KCNQ3: variants seen among roughly 807,000 people sequenced by gnomAD.
The protein encoded by KCNQ3 is potassium voltage-gated channel subfamily Q member 3, also known as potassium voltage-gated channel subfamily KQT member 3.
Under a neutral mutation model 92.5 loss-of-function variants are expected in KCNQ3, and 30 were observed. The ratio of observed to expected loss-of-function variants is 0.32; its 90% CI spans 0.24 to 0.44. KCNQ3 has a LOEUF of 0.44. Ranked by LOEUF, KCNQ3 falls within the 20% of genes least tolerant of loss-of-function variation. The pLI, the probability that KCNQ3 is intolerant of heterozygous loss-of-function variation, is 1.00. For synonymous variants in KCNQ3, 450 were observed against 468.8 expected, an observed-to-expected ratio of 0.96 and a Z score of 0.52; for missense variants, 913 against 1,140.3, an observed-to-expected ratio of 0.80 and a Z score of 2.87.
At chr8:132,222,530 G>A (rs1814272113) in intron 1 of KCNQ3, among the ~76,000 whole-genome samples, 1 of 152,206 alleles carries the variant, frequency 6.6e-6, no homozygotes, top group South Asian at 2.1e-4. Flanking sequence ...GCAAGGGAAG[G>A]TATTCTAAGG....
intron 1 of KCNQ3, among the ~76,000 whole-genome samples, chr8:132,241,100 G>T (rs1457069910): frequency 6.6e-6 from 1 of 152,054 alleles, no homozygotes; most frequent in Non-Finnish European, 1.5e-5. Context: ...TGTTGACCAG[G>T]CTGGTCTCAA....
chr8:132,142,471 G>A (rs780379877), intron 9 of KCNQ3, among the ~76,000 whole-genome samples: 9 of 152,136 alleles, frequency 5.9e-5, no homozygotes, highest in Non-Finnish European at 1.0e-4. Flanking sequence ...CACAGAGCAG[G>A]TGCTCTGTAC....
intron 1 of KCNQ3, among the ~76,000 whole-genome samples, chr8:132,262,505 CCT>C (rs1815820834): frequency 6.6e-6 from 1 of 152,124 alleles, no homozygotes. Context: ...AAGCAAGAAA[CCT>C]CTGAGCTGAG....
chr8:132,345,315 G>T (rs1216076326), intron 1 of KCNQ3, among the ~76,000 whole-genome samples: 1 of 152,150 alleles, frequency 6.6e-6, no homozygotes, highest in Non-Finnish European at 1.5e-5. Context: ...GTGCAATGAA[G>T]GTGAAATACA....
intron 1 of KCNQ3, among the ~76,000 whole-genome samples, chr8:132,471,077 T>C (rs72723116): frequency 0.076 from 11,567 of 152,224 alleles, 443 homozygotes; most frequent in Middle Eastern, 0.1. Context: ...GTTTGGGTGA[T>C]TTACATGCAT....
intron 1 of KCNQ3, among the ~76,000 whole-genome samples, chr8:132,318,394 C>G (rs1413796150): frequency 6.6e-6 from 1 of 152,176 alleles, no homozygotes; most frequent in Non-Finnish European, 1.5e-5. Context: ...TCAGAGTTGT[C>G]TCTGAAACAG....
intron 1 of KCNQ3, among the ~76,000 whole-genome samples, chr8:132,470,115 C>T (rs1282901640): frequency 6.6e-6 from 1 of 151,958 alleles, no homozygotes; most frequent in African/African-American, 2.4e-5. Flanking sequence ...ATGCTCATCT[C>T]CCTCAACAGC....
At chr8:132,421,418 C>G (rs1413946569) in intron 1 of KCNQ3, among the ~76,000 whole-genome samples, 1 of 152,170 alleles carries the variant, frequency 6.6e-6, no homozygotes, top group Non-Finnish European at 1.5e-5. Flanking sequence ...ACAAAAGGAA[C>G]AGGTGACACG....
chr8:132,429,479 G>A (rs1049422217), intron 1 of KCNQ3, among the ~76,000 whole-genome samples: 1 of 152,152 alleles, frequency 6.6e-6, no homozygotes, highest in African/African-American at 2.4e-5. Flanking sequence ...TCCAATACAT[G>A]CATTATTCTC....
intron 9 of KCNQ3, among the ~76,000 whole-genome samples, chr8:132,145,983 G>T (rs771943525): frequency 6.6e-6 from 1 of 152,244 alleles, no homozygotes; most frequent in African/African-American, 2.4e-5. Flanking sequence ...CAAAGGGAGG[G>T]CATGTGGCCA....
chr8:132,149,601 T>C (rs1825571600), intron 9 of KCNQ3, among the ~76,000 whole-genome samples: 1 of 152,218 alleles, frequency 6.6e-6, no homozygotes, highest in African/African-American at 2.4e-5. Context: ...TTTATCTTCT[T>C]TGTTTTGGAA....
intron 1 of KCNQ3, among the ~76,000 whole-genome samples, chr8:132,240,387 T>C (rs1033436154): frequency 2.0e-5 from 3 of 152,138 alleles, no homozygotes; most frequent in Non-Finnish European, 2.9e-5. Flanking sequence ...GATTTCTCCA[T>C]GTTGGTCAGG....
intron 1 of KCNQ3, among the ~76,000 whole-genome samples, chr8:132,399,595 C>T (rs888898054): frequency 6.6e-6 from 1 of 152,310 alleles, no homozygotes; most frequent in Middle Eastern, 3.4e-3. Context: ...ATCAAGAACT[C>T]ACTCCTCCTG....
chr8:132,137,782 C>A, intron 12 of KCNQ3, 103 bp downstream of exon 12: 1 of 1,396,142 alleles, frequency 7.2e-7, no homozygotes, highest in Non-Finnish European at 1.0e-6. Flanking sequence ...TTCTTAAAAT[C>A]TCTCCCTGCA....
intron 1 of KCNQ3, among the ~76,000 whole-genome samples, chr8:132,250,213 T>C (rs1269223610): frequency 1.3e-5 from 2 of 152,148 alleles, no homozygotes; most frequent in African/African-American, 4.8e-5. Context: ...CACCTCTCAC[T>C]GGTAGCAGTC....
intron 9 of KCNQ3, among the ~76,000 whole-genome samples, chr8:132,162,901 G>C (rs1226220694): frequency 6.6e-6 from 1 of 152,302 alleles, no homozygotes; most frequent in East Asian, 1.9e-4. Context: ...ACTCACAAAT[G>C]ATTGGTCAAT....
At chr8:132,456,395 T>TC (rs1198093416) in intron 1 of KCNQ3, among the ~76,000 whole-genome samples, 1 of 151,760 alleles carries the variant, frequency 6.6e-6, no homozygotes, top group Non-Finnish European at 1.5e-5. Context: ...AGCAACAAGG[T>TC]CCCCAGCTTA....
chr8:132,193,258 C>A (rs1827212110), intron 1 of KCNQ3, among the ~76,000 whole-genome samples: 1 of 152,228 alleles, frequency 6.6e-6, no homozygotes, highest in Non-Finnish European at 1.5e-5. Context: ...CAGTCTCCAT[C>A]ACCTCCATGC....
At chr8:132,160,678 G>A (rs749744396) in intron 9 of KCNQ3, among the ~76,000 whole-genome samples, 81 of 149,294 alleles carry the variant, frequency 5.4e-4, no homozygotes, top group Non-Finnish European at 9.0e-4. Flanking sequence ...TAAAGCTGTC[G>A]CTTATGAGGG....
Sources: gnomAD v4.1 joint callset for allele counts (sites outside exome capture counted in the v4.1 genomes callset) on GRCh38, gnomAD v4.1.1 for gene constraint, MANE v1.5 for transcripts, NCBI Gene and HGNC (gene_info 2026-07-23, HGNC 2026-07-21) for gene names.